The following VAV3 variants were observed in gnomAD, a reference collection of about 807,000 sequenced individuals.
VAV3 encodes vav guanine nucleotide exchange factor 3.
Under a neutral mutation model 131.2 loss-of-function variants are expected in VAV3, and 94 were observed. That is an observed-to-expected ratio of 0.72 (90% CI 0.61 to 0.85). VAV3 has a LOEUF of 0.85. Among genes scored for constraint, VAV3 ranks in the 40% least tolerant of loss-of-function variants. The pLI is 0.00. For synonymous variants in VAV3, 349 were observed against 342.0 expected (o/e 1.02, Z -0.22); for missense variants, 939 against 1,002.7 (o/e 0.94, Z 0.86).
At chr1:107,723,570 T>C (rs894581476) in intron 15 of VAV3, among the ~76,000 whole-genome samples, 3 of 109,836 alleles carry the variant, frequency 2.7e-5, no homozygotes, top group African/African-American at 9.0e-5. Flanking sequence ...TTCCAGCTTC[T>C]GAGTTGAAGC....
chr1:107,793,025 C>T (rs977208358), intron 2 of VAV3, among the ~76,000 whole-genome samples: 5 of 151,994 alleles, frequency 3.3e-5, no homozygotes, highest in Non-Finnish European at 5.9e-5. Context: ...ACAAAAATGA[C>T]GATAAATAAG....
At chr1:107,630,217 G>A (rs1226103597) in intron 20 of VAV3, among the ~76,000 whole-genome samples, 4 of 152,122 alleles carry the variant, frequency 2.6e-5, no homozygotes, top group Admixed American at 6.6e-5. Context: ...CATCATGGAG[G>A]CCTCCAGGTT....
chr1:107,574,030 C>T lies in VAV3; in HGVS notation c.2502+17G>A, dbSNP rs758670517. ...CCTTCTTTCACATGCACCAGCACAT[C>T]GAGAGGGCCAACTTACCCTGCCATT... On this transcript the variant is annotated intron_variant, in intron 26 of 26. Coordinates refer to ENST00000370056, the MANE Select transcript of VAV3 (RefSeq NM_006113.5). The T allele has an allele frequency of 1.2e-5, 19 of 1,612,452 alleles. No individual in the cohort carries two copies. Among genetic ancestry groups the T allele is most frequent in the Non-Finnish European group, 1.5e-5 (18 of 1,179,196 alleles).
intron 1 of VAV3, among the ~76,000 whole-genome samples, chr1:107,925,812 T>C (rs1199245230): frequency 6.6e-6 from 1 of 151,498 alleles, no homozygotes; most frequent in Non-Finnish European, 1.5e-5. Flanking sequence ...ACTATGTAAT[T>C]AAAAATAAAT....
At chr1:107,642,544 A>G in intron 20 of VAV3, 75 bp downstream of exon 20, 1 of 1,551,278 alleles carries the variant, frequency 6.4e-7, no homozygotes, top group East Asian at 2.3e-5. Flanking sequence ...ACTCGCCCTG[A>G]ATTCCTTCTT....
At chr1:107,800,202 T>A (rs922009216) in intron 2 of VAV3, among the ~76,000 whole-genome samples, 1 of 152,208 alleles carries the variant, frequency 6.6e-6, no homozygotes, top group Non-Finnish European at 1.5e-5. Flanking sequence ...CTATTTTGGA[T>A]ATATAGTCAG....
At chr1:107,810,984 G>T (rs369262089) in intron 2 of VAV3, among the ~76,000 whole-genome samples, 30 of 152,084 alleles carry the variant, frequency 2.0e-4, no homozygotes, top group African/African-American at 7.2e-4. Flanking sequence ...CAGACTAGAA[G>T]ATACTCTCAA....
chr1:107,918,952 C>T (rs1302006121), intron 1 of VAV3, among the ~76,000 whole-genome samples: 8 of 151,972 alleles, frequency 5.3e-5, no homozygotes, highest in Non-Finnish European at 1.2e-4. Context: ...GGTGATCCGC[C>T]CGCCTCAGCC....
At chr1:107,924,459 G>A (rs1673057773) in intron 1 of VAV3, among the ~76,000 whole-genome samples, 1 of 151,312 alleles carries the variant, frequency 6.6e-6, no homozygotes. Flanking sequence ...GTGGCTGACA[G>A]GGCTTTAATG....
chr1:107,860,505 T>C (rs1669689256), intron 2 of VAV3, among the ~76,000 whole-genome samples: 1 of 151,496 alleles, frequency 6.6e-6, no homozygotes, highest in Admixed American at 6.6e-5. Context: ...GGGTTTCTTT[T>C]TTACTTGACT....
At chr1:107,641,086 T>C (rs1655304135) in intron 20 of VAV3, among the ~76,000 whole-genome samples, 1 of 152,110 alleles carries the variant, frequency 6.6e-6, no homozygotes, top group South Asian at 2.1e-4. Context: ...TTCAAGTCTG[T>C]TGTTCTCTCT....
intron 20 of VAV3, among the ~76,000 whole-genome samples, chr1:107,632,382 C>A (rs1288486095): frequency 6.6e-6 from 1 of 152,150 alleles, no homozygotes; most frequent in Non-Finnish European, 1.5e-5. Context: ...TATAGCCCCA[C>A]TCAGGTAATA....
chr1:107,960,090 C>T (rs1470053108), intron 1 of VAV3, among the ~76,000 whole-genome samples: 1 of 152,226 alleles, frequency 6.6e-6, no homozygotes, highest in East Asian at 1.9e-4. Context: ...TCATCTCTTG[C>T]CTGAATGATG....
intron 1 of VAV3, among the ~76,000 whole-genome samples, chr1:107,946,860 T>C (rs958773400): frequency 2.0e-5 from 3 of 152,226 alleles, no homozygotes; most frequent in East Asian, 1.9e-4. Context: ...ACACCAACCA[T>C]AATAGTATTT....
At chr1:107,653,394 T>C (rs2101584327) in intron 19 of VAV3, among the ~76,000 whole-genome samples, 1 of 151,954 alleles carries the variant, frequency 6.6e-6, no homozygotes, top group Non-Finnish European at 1.5e-5. Context: ...TGCAGAAGAG[T>C]AGTCTTTTAT....
chr1:107,908,326 G>GTGT (rs1296405214), intron 1 of VAV3, among the ~76,000 whole-genome samples: 2 of 152,186 alleles, frequency 1.3e-5, no homozygotes, highest in Non-Finnish European at 2.9e-5. Context: ...TAGGGCTATA[G>GTGT]GTGGCTGATA....
intron 2 of VAV3, among the ~76,000 whole-genome samples, chr1:107,872,110 A>G: frequency 6.6e-6 from 1 of 152,170 alleles, no homozygotes; most frequent in East Asian, 1.9e-4. Flanking sequence ...GACAGTGGAC[A>G]AGAAAAACAG....
intron 20 of VAV3, among the ~76,000 whole-genome samples, chr1:107,624,868 T>C (rs1196717040): frequency 6.6e-6 from 1 of 152,212 alleles, no homozygotes; most frequent in Non-Finnish European, 1.5e-5. Flanking sequence ...GTGGACACAA[T>C]CTTCAAGGAT....
chr1:107,875,353 G>T (rs1670442368), intron 1 of VAV3, among the ~76,000 whole-genome samples: 1 of 152,162 alleles, frequency 6.6e-6, no homozygotes. Flanking sequence ...CTGGAGGAGG[G>T]ATCAGGAGAG....
Sources: allele counts gnomAD v4.1 joint callset (sites outside exome capture counted in the v4.1 genomes callset), GRCh38; gene constraint gnomAD v4.1.1; transcripts MANE v1.5; gene names NCBI Gene and HGNC (gene_info 2026-07-23, HGNC 2026-07-21).